EGF: variants seen among roughly 807,000 people sequenced by gnomAD.
EGF encodes the protein epidermal growth factor.
A neutral mutation model predicts 143.8 loss-of-function variants in EGF; 95 were observed. The ratio of observed to expected loss-of-function variants is 0.66; its 90% CI spans 0.56 to 0.78. The LOEUF (loss-of-function observed/expected upper bound fraction) is 0.78. Ranked by LOEUF, EGF falls within the 30% of genes least tolerant of loss-of-function variation. The probability of loss-of-function intolerance (pLI) is 0.00; values close to 1 mark genes in which losing one functional copy is unlikely to be tolerated. For synonymous variants in EGF, 510 were observed against 510.5 expected, an observed-to-expected ratio of 1.00 and a Z score of 0.01; for missense variants, 1,320 against 1,470.9, an observed-to-expected ratio of 0.90 and a Z score of 1.68.
At chr4:110,000,842 C>G (rs1349159388) in intron 21 of EGF, among the ~76,000 whole-genome samples, 1 of 152,190 alleles carries the variant, frequency 6.6e-6, no homozygotes, top group Non-Finnish European at 1.5e-5. Context: ...ATGGAATTAT[C>G]TAGTTCAATC....
At chr4:109,988,780 T>C in intron 18 of EGF, 71 bp downstream of exon 18, 3 of 1,605,682 alleles carry the variant, frequency 1.9e-6, no homozygotes, top group Non-Finnish European at 2.6e-6. Context: ...TGTGGGTGCA[T>C]GAGCAGAGGG....
Position 109,994,849 on chromosome 4 carries a change from T to C in EGF, c.2974T>C (p.Tyr992His). 6.2e-7 allele frequency: 1 copy of C among 1,614,168 alleles called. No individual in the cohort carries two copies. Among genetic ancestry groups the C allele is most frequent in the East Asian group, 2.2e-5 (1 of 44,886 alleles). ...GYCLHDGVCMYIEALDKYACN... is the reference protein window; with the variant it reads ...GYCLHDGVCMHIEALDKYACN... The stretch of plus-strand genomic sequence containing the variant: ...CTGCCTCCATGATGGTGTGTGCATG[T>C]ATATTGAAGCATTGGACAAGTATGC... The change falls in exon 20 of 24, where the codon TAT becomes CAT. Residue 992 changes from tyrosine to histidine, a missense_variant. By Grantham distance (83) the Tyr-to-His change is moderately conservative. This residue lies in a region of EGF where 1,186 missense variants were observed against 1,313.7 expected (regional missense o/e 0.90). Transcript: ENST00000265171.
intron 1 of EGF, among the ~76,000 whole-genome samples, chr4:109,922,052 G>A (rs1737894240): frequency 6.6e-6 from 1 of 151,420 alleles, no homozygotes; most frequent in East Asian, 1.9e-4. Context: ...TAATTATTCT[G>A]TTTACTGGAA....
At chr4:109,971,717 A>G (rs907873521) in intron 11 of EGF, among the ~76,000 whole-genome samples, 12 of 152,322 alleles carry the variant, frequency 7.9e-5, no homozygotes, top group African/African-American at 2.2e-4. Flanking sequence ...TGAGAGGTTT[A>G]TGGTTTGGAA....
Position 109,959,329 on chromosome 4 carries a change from T to C in EGF, c.958T>C (p.Leu320=). The C allele has an allele frequency of 6.2e-7, 1 of 1,613,812 alleles. No homozygotes were observed. The highest frequency in any genetic ancestry group is 8.5e-7 in the Non-Finnish European group (1 of 1,179,854). ...TCTTTTAGAGCAGAAACTTTGCAAA[T>C]TGAGGAAAGGAAACTGCAGCAGCAC... ...TWEPEQKLCK[L]RKGNCSSTVC... Residue 320 remains leucine (L), a synonymous_variant, in exon 6 of 24, where the codon TTG becomes CTG. Coordinates refer to ENST00000265171, the MANE Select transcript of EGF (RefSeq NM_001963.6).
At chr4:109,937,858 G>A (rs551319061) in intron 1 of EGF, among the ~76,000 whole-genome samples, 1 of 152,288 alleles carries the variant, frequency 6.6e-6, no homozygotes, top group South Asian at 2.1e-4. Flanking sequence ...TCTTCTGGCT[G>A]TAGGATTTCT....
At position 109,927,998 on chromosome 4, in the gene EGF, A is replaced by C. The variant is rs932784685; in HGVS notation, c.128-12948A>C. 4.6e-5 allele frequency among the ~76,000 whole-genome samples: 7 copies of C among 152,298 alleles called. No individual in the cohort carries two copies. In the East Asian group the frequency reaches 9.6e-4, roughly 21 times the overall value. ...CTTAAGGTGAAGGATTACCTATAGC[A>C]TAGGAACATTATAACGGTTCACTGT... is the stretch of plus-strand genomic sequence containing the variant. On this transcript the variant is annotated intron_variant, in intron 1 of 23. Transcript: ENST00000265171.
intron 15 of EGF, among the ~76,000 whole-genome samples, chr4:109,981,332 G>A (rs141096222): frequency 1.7e-3 from 257 of 152,330 alleles, no homozygotes; most frequent in African/African-American, 5.8e-3. Context: ...TTTAGAGGTA[G>A]TAGTATATGA....
chr4:110,004,276 A>C (rs1234301365), intron 21 of EGF: 1 of 571,094 alleles, frequency 1.8e-6, no homozygotes, highest in African/African-American at 1.9e-5. Context: ...CCTCTACCTC[A>C]CAGAACCTTG....
chr4:109,943,282 C>A lies in EGF; in HGVS notation c.356C>A (p.Ser119Tyr), dbSNP rs1431492601. 2 of 1,606,048 alleles carry A rather than the reference C, an allele frequency of 1.2e-6. No homozygotes were observed. The highest frequency in any genetic ancestry group is 3.4e-5 in the Admixed American group (2 of 58,936). ...GTATGTAATATAGAGAAAAATGTTT[C>A]TGGAATGGCAATAAATTGGATAAAT... ...ERVCNIEKNV[S>Y]GMAINWINEE... Residue 119 changes from serine (S) to tyrosine (Y), a missense_variant, in exon 3 of 24, where the codon TCT (serine) becomes TAT (tyrosine). Transcript: ENST00000265171.
intron 8 of EGF, 87 bp from the exon 9 acceptor site, chr4:109,963,086 C>G: frequency 7.9e-7 from 1 of 1,271,764 alleles, no homozygotes; most frequent in Non-Finnish European, 1.1e-6. Flanking sequence ...AAAAAATTAA[C>G]AAATGGTTGA....
At chr4:109,966,517 T>G (rs1746626775) in intron 10 of EGF, among the ~76,000 whole-genome samples, 1 of 152,126 alleles carries the variant, frequency 6.6e-6, no homozygotes, top group Admixed American at 6.6e-5. Flanking sequence ...AGTGCAGGTG[T>G]CTTTTTGATA....
intron 11 of EGF, among the ~76,000 whole-genome samples, chr4:109,970,059 T>C (rs1328068999): frequency 6.6e-6 from 1 of 152,222 alleles, no homozygotes; most frequent in East Asian, 1.9e-4. Context: ...ATAAGAGAGA[T>C]GCTCTTTGTT....
At chr4:109,924,420 T>A (rs1343002598) in intron 1 of EGF, among the ~76,000 whole-genome samples, 1 of 151,694 alleles carries the variant, frequency 6.6e-6, no homozygotes, top group African/African-American at 2.4e-5. Context: ...GAAAGTAGGA[T>A]TGAATAAATG....
intron 11 of EGF, among the ~76,000 whole-genome samples, chr4:109,971,802 C>G (rs1747695541): frequency 6.6e-6 from 1 of 152,170 alleles, no homozygotes; most frequent in South Asian, 2.1e-4. Flanking sequence ...CATGGTAACT[C>G]TTAGCCAATC....
At chr4:109,937,107 C>T (rs1236022625) in intron 1 of EGF, among the ~76,000 whole-genome samples, 3 of 151,622 alleles carry the variant, frequency 2.0e-5, no homozygotes, top group South Asian at 2.1e-4. Context: ...TTTTCTTTCT[C>T]GTTGGTCTAA....
chr4:109,987,682 T>C, intron 16 of EGF, 62 bp from the exon 17 acceptor site: 1 of 1,376,658 alleles, frequency 7.3e-7, no homozygotes, highest in Non-Finnish European at 1.0e-6. Flanking sequence ...AACCAGAAGA[T>C]TAAAGTCCGT....
intron 16 of EGF, 47 bp downstream of exon 16, chr4:109,983,588 C>T (rs113434274): frequency 1.9e-6 from 3 of 1,611,604 alleles, no homozygotes; most frequent in African/African-American, 1.3e-5. Flanking sequence ...CAACAGTTTC[C>T]ATCCTACCAA....
At chr4:110,002,292 A>G (rs1292518770) in intron 21 of EGF, among the ~76,000 whole-genome samples, 1 of 152,080 alleles carries the variant, frequency 6.6e-6, no homozygotes, top group Non-Finnish European at 1.5e-5. Flanking sequence ...CAGGAGTTCA[A>G]ACCAACCTGG....
Sources: gnomAD v4.1 joint callset for allele counts (sites outside exome capture counted in the v4.1 genomes callset) on GRCh38, gnomAD v4.1.1 for gene constraint, gnomAD v4.1.1 regional missense constraint, MANE v1.5 for transcripts, NCBI Gene and HGNC (gene_info 2026-07-23, HGNC 2026-07-21) for gene names.